The following BCR variants were observed in gnomAD, a reference collection of about 807,000 sequenced individuals.
The protein encoded by BCR is breakpoint cluster region protein.
In BCR, 58 loss-of-function variants were observed where a neutral mutation model predicts 138.6. The ratio of observed to expected loss-of-function variants is 0.42; its 90% CI spans 0.34 to 0.52. The LOEUF (loss-of-function observed/expected upper bound fraction) is 0.52. Among genes scored for constraint, BCR ranks in the 20% least tolerant of loss-of-function variants. The probability of loss-of-function intolerance (pLI) is 0.06; values close to 1 mark genes in which losing one functional copy is unlikely to be tolerated. For synonymous variants in BCR, 786 were observed against 730.1 expected, an observed-to-expected ratio of 1.08 and a Z score of -1.23; for missense variants, 1,599 against 1,727.2, an observed-to-expected ratio of 0.93 and a Z score of 1.32.
At chr22:23,293,924 C>G (rs950569270) in intron 15 of BCR, among the ~76,000 whole-genome samples, 1 of 152,136 alleles carries the variant, frequency 6.6e-6, no homozygotes, top group Non-Finnish European at 1.5e-5. Flanking sequence ...AGCGCAGATT[C>G]ACCAACAGCA....
intron 21 of BCR, 89 bp downstream of exon 21, chr22:23,314,162 G>A: frequency 9.3e-7 from 1 of 1,075,916 alleles, no homozygotes; most frequent in South Asian, 1.3e-5. Context: ...CAACACCGAG[G>A]ACCTTTTCTC....
At chr22:23,279,380 C>T (rs2073616059) in intron 8 of BCR, among the ~76,000 whole-genome samples, 1 of 152,230 alleles carries the variant, frequency 6.6e-6, no homozygotes, top group Non-Finnish European at 1.5e-5. Context: ...TTCTCGGCTG[C>T]AGTGTATATT....
At chr22:23,220,038 G>T (rs952710051) in intron 1 of BCR, among the ~76,000 whole-genome samples, 1 of 152,170 alleles carries the variant, frequency 6.6e-6, no homozygotes, top group Non-Finnish European at 1.5e-5. Context: ...CTGGTGTCAT[G>T]TGTGGCTGCA....
In BCR at chr22:23,227,336, G is replaced by A. The variant is rs535094290; in HGVS notation, c.1280-26463G>A. 2.0e-5 allele frequency among the ~76,000 whole-genome samples: 3 copies of A among 152,328 alleles called. No individual in the cohort carries two copies. In the South Asian group the frequency reaches 6.2e-4, roughly 32 times the overall value. Reference sequence around the variant, plus strand: ...CCAGTATTCCCCAGTTACCAGTGGAGGCTCCAAAGATATATCTTTTGTGTG... The same window carrying A: ...CCAGTATTCCCCAGTTACCAGTGGAAGCTCCAAAGATATATCTTTTGTGTG... On this transcript the variant is annotated intron_variant, in intron 1 of 22. Transcript: ENST00000305877.
intron 1 of BCR, among the ~76,000 whole-genome samples, chr22:23,218,497 C>T (rs561330866): frequency 6.6e-5 from 10 of 152,306 alleles, no homozygotes; most frequent in East Asian, 3.9e-4. Context: ...ACTGTGGGAC[C>T]GGAGAGCTGG....
At chr22:23,228,480 A>T (rs1242129537) in intron 1 of BCR, among the ~76,000 whole-genome samples, 2 of 152,232 alleles carry the variant, frequency 1.3e-5, no homozygotes, top group Non-Finnish European at 2.9e-5. Flanking sequence ...ATAAATTGCC[A>T]CAAACTTAGT....
chr22:23,213,402 G>A (rs919794681), intron 1 of BCR, among the ~76,000 whole-genome samples: 2 of 152,216 alleles, frequency 1.3e-5, no homozygotes, highest in African/African-American at 4.8e-5. Flanking sequence ...GGATGGTCAG[G>A]CACAGCAGCT....
rs114881775 is a variant in BCR, at chr22:23,292,095, C to T, written c.2783-446C>T. Among the ~76,000 whole-genome samples, 454 of 152,314 alleles carry T rather than the reference C, an allele frequency of 3.0e-3. 3 individuals carry two copies. Among genetic ancestry groups the T allele is most frequent in the African/African-American group, 0.01 (426 of 41,568 alleles). On this transcript the variant is annotated intron_variant, in intron 14 of 22. Coordinates refer to ENST00000305877, the MANE Select transcript of BCR (RefSeq NM_004327.4). ...TGTGCCCCACAGTGGCCTGGAGTCC[C>T]CTTTGCCTTAACTCTTTGCCCCATA... is the stretch of plus-strand genomic sequence containing the variant.
intron 1 of BCR, among the ~76,000 whole-genome samples, chr22:23,184,793 A>T (rs772288359): frequency 6.6e-6 from 1 of 152,074 alleles, no homozygotes; most frequent in African/African-American, 2.4e-5. Flanking sequence ...GGGTCCATGT[A>T]TGGCAGGCAT....
intron 18 of BCR, among the ~76,000 whole-genome samples, chr22:23,310,727 G>A (rs2330202): frequency 3.2e-4 from 49 of 152,000 alleles, no homozygotes; most frequent in African/African-American, 1.1e-3. Flanking sequence ...TTGAATGGCC[G>A]TAACCCCTGC....
At chr22:23,254,098 G>A in intron 2 of BCR, 118 bp downstream of exon 2, 1 of 1,215,116 alleles carries the variant, frequency 8.2e-7, no homozygotes, top group Non-Finnish European at 1.1e-6. Flanking sequence ...TTGGAAGCGA[G>A]TGGGTCACCA....
At chr22:23,280,369 A>C (rs530310968) in intron 8 of BCR, among the ~76,000 whole-genome samples, 21 of 152,060 alleles carry the variant, frequency 1.4e-4, no homozygotes, top group African/African-American at 5.1e-4. Flanking sequence ...ACATAATGTG[A>C]CCTCACAGGG....
intron 16 of BCR, chr22:23,306,695 G>A (rs1012142597): frequency 6.6e-6 from 1 of 152,270 alleles, no homozygotes; most frequent in Non-Finnish European, 1.5e-5. Flanking sequence ...ACTGCGGGGT[G>A]GGGTTTCCCT....
intron 2 of BCR, among the ~76,000 whole-genome samples, chr22:23,255,298 G>A (rs2073280883): frequency 1.3e-5 from 2 of 152,178 alleles, no homozygotes; most frequent in Admixed American, 1.3e-4. Flanking sequence ...GCACACACAG[G>A]CTGCTGCCTT....
At chr22:23,296,201 C>T (rs939785498) in intron 16 of BCR, among the ~76,000 whole-genome samples, 31 of 151,906 alleles carry the variant, frequency 2.0e-4, no homozygotes, top group African/African-American at 6.3e-4. Flanking sequence ...CGTGAAACCC[C>T]GTCTCTACTA....
intron 1 of BCR, among the ~76,000 whole-genome samples, chr22:23,224,372 C>G (rs756947465): frequency 6.6e-6 from 1 of 152,208 alleles, no homozygotes; most frequent in Non-Finnish European, 1.5e-5. Flanking sequence ...GGCATTTCTT[C>G]TAAAGCTCAG....
chr22:23,181,863 C>A lies in BCR; in HGVS notation c.903C>A (p.Ser301Arg). The change falls in exon 1 of 23, where the codon AGC becomes AGA. Residue 301 changes from serine to arginine, a missense_variant. Ser to Arg is a moderately radical substitution (Grantham distance 110). Transcript: ENST00000305877. ...EGKGPLLRSQ[S>R]TSEQEKRLTW... ...AGGGCCCGCTCCTGCGCAGCCAGAG[C>A]ACCTCTGAGCAGGAGAAGCGCCTTA... is the stretch of plus-strand genomic sequence containing the variant. 1 of 1,612,876 alleles carries A rather than the reference C, an allele frequency of 6.2e-7. No individual in the cohort carries two copies. The highest frequency in any genetic ancestry group is 8.5e-7 in the Non-Finnish European group (1 of 1,179,786).
At chr22:23,266,733 C>A (rs531814992) in intron 4 of BCR, among the ~76,000 whole-genome samples, 1 of 152,228 alleles carries the variant, frequency 6.6e-6, no homozygotes, top group African/African-American at 2.4e-5. Context: ...TTGCCAGTTT[C>A]CTCAGGAATA....
chr22:23,228,455 C>T (rs2146240490), intron 1 of BCR, among the ~76,000 whole-genome samples: 1 of 152,258 alleles, frequency 6.6e-6, no homozygotes, highest in South Asian at 2.1e-4. Context: ...GTATTAGTTT[C>T]CTATTGCAGC....
Sources: allele counts gnomAD v4.1 joint callset (sites outside exome capture counted in the v4.1 genomes callset), GRCh38; gene constraint gnomAD v4.1.1; transcripts MANE v1.5; gene names NCBI Gene and HGNC (gene_info 2026-07-23, HGNC 2026-07-21).